The following PRDM16 variants were observed in gnomAD, a reference collection of about 807,000 sequenced individuals.
The protein encoded by PRDM16 is PR/SET domain 16, also known as histone-lysine N-methyltransferase PRDM16.
In PRDM16, 23 loss-of-function variants were observed where a neutral mutation model predicts 110.6. The ratio of observed to expected loss-of-function variants is 0.21; its 90% CI spans 0.15 to 0.29. The LOEUF (loss-of-function observed/expected upper bound fraction) is 0.29. Ranked by LOEUF, PRDM16 falls within the 10% of genes least tolerant of loss-of-function variation. The pLI, the probability that PRDM16 is intolerant of heterozygous loss-of-function variation, is 1.00. For synonymous variants in PRDM16, 799 were observed against 781.8 expected, an observed-to-expected ratio of 1.02 and a Z score of -0.37; for missense variants, 1,615 against 1,794.3, an observed-to-expected ratio of 0.90 and a Z score of 1.81.
intron 2 of PRDM16, among the ~76,000 whole-genome samples, chr1:3,191,843 G>A (rs923972845): frequency 1.4e-4 from 21 of 152,150 alleles, no homozygotes; most frequent in Admixed American, 1.3e-3. Context: ...CAGCACAAAT[G>A]TCCATGATTG....
chr1:3,293,601 G>A lies in PRDM16; in HGVS notation c.438+49464G>A, dbSNP rs150187782. ...GATTGAAGTACCCAGGCCAGGAACC[G>A]ATGATCAGAGGGGAATGCGTTTGAG... On this transcript the variant is annotated intron_variant, in intron 3 of 16. Transcript: ENST00000270722. Among the ~76,000 whole-genome samples the A allele has an allele frequency of 8.9e-4, 135 of 152,336 alleles. 2 individuals carry two copies. The highest frequency in any genetic ancestry group is 3.1e-3 in the African/African-American group (130 of 41,580).
intron 3 of PRDM16, among the ~76,000 whole-genome samples, chr1:3,294,748 A>T (rs925888724): frequency 4.6e-5 from 7 of 152,240 alleles, no homozygotes; most frequent in Admixed American, 4.6e-4. Flanking sequence ...AAAGCCCACG[A>T]GAGACTCAGA....
chr1:3,329,288 TG>T (rs1641992177), intron 3 of PRDM16, among the ~76,000 whole-genome samples: 2 of 152,312 alleles, frequency 1.3e-5, no homozygotes, highest in East Asian at 3.9e-4. Flanking sequence ...TGCTTGGAGT[TG>T]GGGGGCTGGG....
chr1:3,070,847 G>C (rs1221630278), intron 1 of PRDM16, among the ~76,000 whole-genome samples: 6 of 152,192 alleles, frequency 3.9e-5, no homozygotes, highest in African/African-American at 1.4e-4. Flanking sequence ...CCCCGCCATC[G>C]GCCGTTCCCG....
At chr1:3,136,475 A>T (rs1355439579) in intron 1 of PRDM16, among the ~76,000 whole-genome samples, 2 of 152,122 alleles carry the variant, frequency 1.3e-5, no homozygotes, top group Admixed American at 6.5e-5. Flanking sequence ...TCACAGTGTC[A>T]CTGTTTCCCT....
intron 1 of PRDM16, among the ~76,000 whole-genome samples, chr1:3,083,482 T>A (rs1642076573): frequency 6.6e-6 from 1 of 151,948 alleles, no homozygotes; most frequent in South Asian, 2.1e-4. Flanking sequence ...GGGTTGGGGG[T>A]TTCACCCACA....
intron 3 of PRDM16, among the ~76,000 whole-genome samples, chr1:3,259,553 A>G (rs1640118148): frequency 6.6e-6 from 1 of 152,194 alleles, no homozygotes; most frequent in African/African-American, 2.4e-5. Context: ...CTCACCACCC[A>G]AGGCCACATA....
intron 3 of PRDM16, among the ~76,000 whole-genome samples, chr1:3,272,883 A>C (rs528869062): frequency 3.9e-4 from 59 of 152,226 alleles, no homozygotes; most frequent in African/African-American, 1.4e-3. Context: ...TGGTGGCTTC[A>C]CGGCTCTGCC....
chr1:3,304,401 G>T (rs1641267292), intron 3 of PRDM16, among the ~76,000 whole-genome samples: 1 of 152,238 alleles, frequency 6.6e-6, no homozygotes. Context: ...CTTAACAAGT[G>T]ATCTCTATTC....
In PRDM16 at chr1:3,437,160, G is replaced by A. The variant is rs1350742217; in HGVS notation, c.*3349G>A. 4.3e-6 allele frequency: 1 copy of A among 232,216 alleles called. No individual in the cohort carries two copies. Among genetic ancestry groups the A allele is most frequent in the Non-Finnish European group, 8.5e-6 (1 of 117,588 alleles). The allele number at this position is 232,216 out of a possible 1,614,324, so 14.4% of individuals were successfully genotyped here. Reference sequence around the variant, plus strand: ...GGGGTGTGGAGCAGTGGCTGGGGTGGGCGTGGTGTGGCCTGAGAGACTGCC... The same window carrying A: ...GGGGTGTGGAGCAGTGGCTGGGGTGAGCGTGGTGTGGCCTGAGAGACTGCC... On this transcript the variant is annotated 3_prime_UTR_variant, in exon 17 of 17. Coordinates refer to ENST00000270722, the MANE Select transcript of PRDM16 (RefSeq NM_022114.4).
intron 3 of PRDM16, among the ~76,000 whole-genome samples, chr1:3,295,547 G>C (rs958641023): frequency 4.6e-5 from 7 of 152,144 alleles, no homozygotes; most frequent in African/African-American, 1.7e-4. Context: ...ACATGTGCGG[G>C]GTGAACAAAA....
chr1:3,312,299 C>T (rs1641480284), intron 3 of PRDM16, among the ~76,000 whole-genome samples: 1 of 152,246 alleles, frequency 6.6e-6, no homozygotes, highest in Non-Finnish European at 1.5e-5. Flanking sequence ...GCCCAGCACT[C>T]AGCGGCCTGC....
At position 3,353,671 on chromosome 1, in the gene PRDM16, C is replaced by T. The variant is rs1376532329; in HGVS notation, c.439-31481C>T. On this transcript the variant is annotated intron_variant, in intron 3 of 16. Coordinates refer to ENST00000270722, the MANE Select transcript of PRDM16 (RefSeq NM_022114.4). This position sits in a 1 kb window ranked among gnomAD's most constrained non-coding sequence, Gnocchi z 5.4. ...CACCTCACTGCACCCACAGGCTTTG[C>T]AGAGAGAACAGGACAATCCTAGCTC... Among the ~76,000 whole-genome samples the T allele has an allele frequency of 6.6e-6, 1 of 152,238 alleles. No homozygotes were observed. Among genetic ancestry groups the T allele is most frequent in the Non-Finnish European group, 1.5e-5 (1 of 68,034 alleles).
chr1:3,299,493 A>C (rs113404252), intron 3 of PRDM16, among the ~76,000 whole-genome samples: 6 of 96,800 alleles, frequency 6.2e-5, no homozygotes, highest in South Asian at 4.1e-4. Flanking sequence ...GTGATGTTTC[A>C]GATCCCAGTC....
chr1:3,357,968 G>T (rs1642640860), intron 3 of PRDM16, among the ~76,000 whole-genome samples: 1 of 152,242 alleles, frequency 6.6e-6, no homozygotes, highest in Admixed American at 6.5e-5. Flanking sequence ...CTGACCATGA[G>T]GCAAGAGGCC....
rs1048219928 is a variant in PRDM16, at chr1:3,143,163, G to A, written c.38-42962G>A. The stretch of plus-strand genomic sequence containing the variant: ...AGACCTTGTGGCAACCGCAGTGCTG[G>A]GCCGGGGGGAGTCGCTGGTTTGCAG... On this transcript the variant is annotated intron_variant, in intron 1 of 16. Coordinates refer to ENST00000270722, the MANE Select transcript of PRDM16 (RefSeq NM_022114.4). This position sits in a 1 kb window ranked among gnomAD's most constrained non-coding sequence, Gnocchi z 4.5. Among the ~76,000 whole-genome samples, 6 of 152,206 alleles carry A rather than the reference G, an allele frequency of 3.9e-5. No homozygotes were observed. Among genetic ancestry groups the A allele is most frequent in the Non-Finnish European group, 7.3e-5 (5 of 68,052 alleles).
intron 3 of PRDM16, among the ~76,000 whole-genome samples, chr1:3,373,352 G>A (rs975822913): frequency 3.9e-5 from 6 of 152,166 alleles, no homozygotes; most frequent in African/African-American, 9.7e-5. Flanking sequence ...CCGCCCCAGC[G>A]TGCCTTTGCG....
intron 3 of PRDM16, among the ~76,000 whole-genome samples, chr1:3,270,174 G>A (rs1429947285): frequency 6.7e-6 from 1 of 148,212 alleles, no homozygotes. Context: ...GAATAGTCCT[G>A]GAGGAGGACA....
intron 6 of PRDM16, 130 bp from the exon 7 acceptor site, chr1:3,404,609 T>A: frequency 8.8e-7 from 1 of 1,130,700 alleles, no homozygotes; most frequent in Non-Finnish European, 1.2e-6. Flanking sequence ...GACACCAGCA[T>A]GTGCTCTGAT....
Sources: gnomAD v4.1 joint callset for allele counts (sites outside exome capture counted in the v4.1 genomes callset) on GRCh38, gnomAD v4.1.1 for gene constraint, Gnocchi (gnomAD v3.1) non-coding constraint, MANE v1.5 for transcripts, NCBI Gene and HGNC (gene_info 2026-07-23, HGNC 2026-07-21) for gene names.